PMFBP1: variants seen among roughly 807,000 people sequenced by gnomAD.
The protein encoded by PMFBP1 is polyamine modulated factor 1 binding protein 1, also known as polyamine-modulated factor 1-binding protein 1.
Under a neutral mutation model 137.8 loss-of-function variants are expected in PMFBP1, and 131 were observed. The observed-to-expected ratio is 0.95, with a 90% CI of 0.82 to 1.10. PMFBP1 has a LOEUF of 1.10. Among genes scored for constraint, PMFBP1 ranks in the 50% least tolerant of loss-of-function variants. The probability of loss-of-function intolerance (pLI) is 0.00; values close to 1 mark genes in which losing one functional copy is unlikely to be tolerated. For synonymous variants in PMFBP1, 490 were observed against 450.4 expected (o/e 1.09, Z -1.11); for missense variants, 1,199 against 1,175.4 (o/e 1.02, Z -0.29).
chr16:72,184,464 C>T, the PMFBP1 span, among the ~76,000 whole-genome samples: 9 of 152,294 alleles, frequency 5.9e-5, no homozygotes, highest in East Asian at 1.2e-3. Flanking sequence ...ACTTGCATCA[C>T]GTTTATTGTG....
At chr16:72,233,810 T>C in the PMFBP1 span, among the ~76,000 whole-genome samples, 11 of 152,176 alleles carry the variant, frequency 7.2e-5, no homozygotes, top group African/African-American at 2.7e-4. Context: ...ATGCTAAACA[T>C]TTCACATCAT....
intron 5 of PMFBP1, among the ~76,000 whole-genome samples, chr16:72,141,620 T>C (rs2042724053): frequency 6.6e-6 from 1 of 152,232 alleles, no homozygotes; most frequent in South Asian, 2.1e-4. Context: ...TGCTAGTACA[T>C]GTGCTTCTAT....
chr16:72,214,752 T>G, the PMFBP1 span, among the ~76,000 whole-genome samples: 2 of 151,794 alleles, frequency 1.3e-5, no homozygotes, highest in Non-Finnish European at 2.9e-5. Context: ...CAGGAATAAA[T>G]CCAACATTAT....
chr16:72,175,309 T>C (rs1331172091), upstream of PMFBP1, among the ~76,000 whole-genome samples: 9 of 152,172 alleles, frequency 5.9e-5, no homozygotes, highest in African/African-American at 2.2e-4. Flanking sequence ...TTTGTGTGGT[T>C]TTGGAGAGAG....
intron 19 of PMFBP1, among the ~76,000 whole-genome samples, chr16:72,122,480 G>T (rs1240301505): frequency 6.6e-6 from 1 of 152,194 alleles, no homozygotes; most frequent in Non-Finnish European, 1.5e-5. Context: ...CAGGCCCCCA[G>T]ATGAGCAGGT....
chr16:72,122,226 C>G (rs903197522), intron 19 of PMFBP1, among the ~76,000 whole-genome samples: 2 of 152,178 alleles, frequency 1.3e-5, no homozygotes, highest in African/African-American at 4.8e-5. Flanking sequence ...AAGAAATGAT[C>G]TCATTCTTTT....
chr16:72,237,633 T>C, the PMFBP1 span, among the ~76,000 whole-genome samples: 1 of 152,216 alleles, frequency 6.6e-6, no homozygotes, highest in Admixed American at 6.6e-5. Context: ...CAACTCTATA[T>C]GTCTTTTTTT....
intron 3 of PMFBP1, chr16:72,164,441 C>A (rs1567641443): frequency 7.4e-7 from 1 of 1,350,008 alleles, no homozygotes. Flanking sequence ...ATAGCAGACG[C>A]TGCTCCCCTT....
chr16:72,222,123 T>C, the PMFBP1 span, among the ~76,000 whole-genome samples: 1 of 152,096 alleles, frequency 6.6e-6, no homozygotes, highest in East Asian at 1.9e-4. Context: ...GCAATCCTGG[T>C]GGGGTTTTTT....
the PMFBP1 span, among the ~76,000 whole-genome samples, chr16:72,183,667 A>T: frequency 6.6e-6 from 1 of 152,076 alleles, no homozygotes; most frequent in Non-Finnish European, 1.5e-5. Context: ...CAGGACTTTA[A>T]CATATGAATT....
chr16:72,124,869 G>C lies in PMFBP1; in HGVS notation c.2487C>G (p.His829Gln), dbSNP rs373280693. ...CTGCCAGCATCTTGAGGTCATTCTG[G>C]TGTTGCTTCTGCCACTGCAGCACCT... ...SCQVLQWQKQ[H>Q]QNDLKMLAAK... The change falls in exon 17 of 21, where the codon CAC (histidine) becomes CAG (glutamine). Residue 829 changes from histidine to glutamine, a missense_variant. By Grantham distance (24) the His-to-Gln change is conservative. Coordinates refer to ENST00000237353, the MANE Select transcript of PMFBP1 (RefSeq NM_031293.3). The C allele has an allele frequency of 9.9e-6, 16 of 1,614,060 alleles. No individual in the cohort carries two copies. The highest frequency in any genetic ancestry group is 3.3e-5 in the Admixed American group (2 of 60,004).
intron 15 of PMFBP1, 53 bp downstream of exon 15, chr16:72,125,915 T>C: frequency 1.3e-6 from 2 of 1,588,938 alleles, no homozygotes; most frequent in Non-Finnish European, 1.7e-6. Flanking sequence ...TCCCGCTACC[T>C]TGACGTTTCC....
chr16:72,120,251 G>A (rs1052138551), intron 19 of PMFBP1, 162 bp from the exon 20 acceptor site: 29 of 1,205,254 alleles, frequency 2.4e-5, no homozygotes, highest in South Asian at 3.0e-5. Flanking sequence ...GGAAGCCTAC[G>A]TGTGTCCTGT....
intron 15 of PMFBP1, among the ~76,000 whole-genome samples, 190 bp from the exon 16 acceptor site, chr16:72,125,595 T>G (rs2042443845): frequency 6.6e-6 from 1 of 152,088 alleles, no homozygotes; most frequent in South Asian, 2.1e-4. Flanking sequence ...GCTTTCTCCT[T>G]CCTACCCACT....
chr16:72,244,052 T>G, the PMFBP1 span, among the ~76,000 whole-genome samples: 3 of 152,166 alleles, frequency 2.0e-5, no homozygotes, highest in African/African-American at 7.2e-5. Context: ...TAGAGCCTAT[T>G]CTGCATGTCC....
chr16:72,214,234 G>A, the PMFBP1 span, among the ~76,000 whole-genome samples: 4 of 151,568 alleles, frequency 2.6e-5, no homozygotes, highest in South Asian at 2.1e-4. Context: ...TTGCTCCATC[G>A]CCCAGGCTGG....
the PMFBP1 span, among the ~76,000 whole-genome samples, chr16:72,216,047 G>A: frequency 1.5e-4 from 23 of 152,218 alleles, no homozygotes; most frequent in East Asian, 2.5e-3. Flanking sequence ...ACTGAGTCCC[G>A]GCCAATGGCC....
chr16:72,191,590 A>G, the PMFBP1 span, among the ~76,000 whole-genome samples: 1 of 152,182 alleles, frequency 6.6e-6, no homozygotes, highest in East Asian at 1.9e-4. Flanking sequence ...AGAATTGGGG[A>G]TCTATTTTTA....
chr16:72,245,189 AC>A, the PMFBP1 span, among the ~76,000 whole-genome samples: 1 of 151,138 alleles, frequency 6.6e-6, no homozygotes, highest in Non-Finnish European at 1.5e-5. Context: ...TAGACAGAAA[AC>A]TAAATAACAA....
Sources: allele counts gnomAD v4.1 joint callset (sites outside exome capture counted in the v4.1 genomes callset), GRCh38; gene constraint gnomAD v4.1.1; transcripts MANE v1.5; gene names NCBI Gene and HGNC (gene_info 2026-07-23, HGNC 2026-07-21).